Variants in MRTFB observed in about 807,000 individuals in gnomAD.
MRTFB encodes myocardin related transcription factor B.
A neutral mutation model predicts 104.2 loss-of-function variants in MRTFB; 29 were observed. That is an observed-to-expected ratio of 0.28 (90% confidence interval 0.21 to 0.38). The LOEUF (loss-of-function observed/expected upper bound fraction) is 0.38, where lower values mean the gene tolerates loss of function less well. Ranked by LOEUF, MRTFB falls within the 10% of genes least tolerant of loss-of-function variation. The probability of loss-of-function intolerance (pLI) is 1.00; values close to 1 mark genes in which losing one functional copy is unlikely to be tolerated. For synonymous variants in MRTFB, 535 were observed against 519.5 expected (o/e 1.03, Z -0.41); for missense variants, 1,270 against 1,341.6 (o/e 0.95, Z 0.83).
At chr16:14,130,693 T>C (rs1234498824) in intron 2 of MRTFB, among the ~76,000 whole-genome samples, 3 of 152,198 alleles carry the variant, frequency 2.0e-5, no homozygotes, top group African/African-American at 7.2e-5. Flanking sequence ...AGTTAGGTAC[T>C]GTATTAGTTC....
chr16:14,027,364 C>T, the MRTFB span, among the ~76,000 whole-genome samples: 1 of 151,962 alleles, frequency 6.6e-6, no homozygotes, highest in Non-Finnish European at 1.5e-5. Flanking sequence ...TGATGGTCGC[C>T]AGGGGTTAGG....
At chr16:14,213,520 G>A in intron 5 of MRTFB, 25 bp from the exon 6 acceptor site, 1 of 1,488,684 alleles carries the variant, frequency 6.7e-7, no homozygotes, top group Non-Finnish European at 9.2e-7. Context: ...AATGATTTAT[G>A]GTAAGACTTT....
At chr16:14,195,330 G>A (rs1171075272) in intron 3 of MRTFB, among the ~76,000 whole-genome samples, 1 of 152,080 alleles carries the variant, frequency 6.6e-6, no homozygotes, top group African/African-American at 2.4e-5. Flanking sequence ...ATCATCGTCT[G>A]GATCATCTCA....
chr16:14,168,800 T>G (rs2039331583), intron 3 of MRTFB, among the ~76,000 whole-genome samples: 2 of 152,214 alleles, frequency 1.3e-5, no homozygotes, highest in African/African-American at 2.4e-5. Context: ...AGTGGCTGCA[T>G]CATTTTATAC....
At chr16:14,161,374 A>G (rs1021046349) in intron 3 of MRTFB, among the ~76,000 whole-genome samples, 1 of 152,132 alleles carries the variant, frequency 6.6e-6, no homozygotes, top group South Asian at 2.1e-4. Flanking sequence ...TGTGCAATGG[A>G]GAAAGCATGG....
At chr16:14,130,091 A>G (rs550202812) in intron 2 of MRTFB, among the ~76,000 whole-genome samples, 97 of 152,280 alleles carry the variant, frequency 6.4e-4, no homozygotes, top group African/African-American at 1.9e-3. Context: ...TCGGCCTCCC[A>G]AGGTGCTGGG....
At chr16:14,120,097 C>T (rs1002677175) in intron 2 of MRTFB, among the ~76,000 whole-genome samples, 7 of 152,060 alleles carry the variant, frequency 4.6e-5, no homozygotes, top group African/African-American at 1.4e-4. Context: ...TGGCTGTTTC[C>T]GTTTCCTCTT....
chr16:14,230,992 A>G (rs999579824), intron 8 of MRTFB, among the ~76,000 whole-genome samples: 7 of 151,852 alleles, frequency 4.6e-5, no homozygotes, highest in Admixed American at 2.6e-4. Flanking sequence ...AGGGACATGG[A>G]TGAAATTGGA....
chr16:14,149,329 C>T (rs1293272187), intron 3 of MRTFB: 1 of 152,078 alleles, frequency 6.6e-6, no homozygotes, highest in East Asian at 1.9e-4. Flanking sequence ...GAAGACATAA[C>T]AAGAAAAGCA....
At chr16:14,132,939 A>T (rs914160628) in intron 2 of MRTFB, among the ~76,000 whole-genome samples, 1 of 152,248 alleles carries the variant, frequency 6.6e-6, no homozygotes, top group African/African-American at 2.4e-5. Context: ...AGTCGTAGTA[A>T]TTTAACTAAA....
At chr16:13,998,870 TCAAAAAAAAAAAA>T in the MRTFB span, among the ~76,000 whole-genome samples, 2 of 24,726 alleles carry the variant, frequency 8.1e-5, no homozygotes, top group African/African-American at 2.3e-4. Flanking sequence ...AGACTCTGTT[TCAAAAAAAAAAAA>T]AAAAAAAAAA....
At chr16:14,050,764 C>G in the MRTFB span, among the ~76,000 whole-genome samples, 3 of 152,156 alleles carry the variant, frequency 2.0e-5, no homozygotes, top group African/African-American at 7.2e-5. Flanking sequence ...TTCTCAGCTA[C>G]AAAATGGAGA....
At chr16:14,084,501 C>G (rs928115331) in intron 2 of MRTFB, among the ~76,000 whole-genome samples, 2 of 152,128 alleles carry the variant, frequency 1.3e-5, no homozygotes, top group African/African-American at 2.4e-5. Context: ...GATCATGCCA[C>G]TGCACTCCAG....
the MRTFB span, among the ~76,000 whole-genome samples, chr16:14,003,157 A>G: frequency 1.3e-5 from 2 of 152,266 alleles, no homozygotes; most frequent in African/African-American, 2.4e-5. Context: ...CTGGCCAGGC[A>G]TCCTCCACAA....
chr16:14,181,442 C>A (rs973009172), intron 3 of MRTFB, among the ~76,000 whole-genome samples: 1 of 150,862 alleles, frequency 6.6e-6, no homozygotes, highest in African/African-American at 2.4e-5. Flanking sequence ...TCTGACTCAG[C>A]CTGTGTGAAG....
chr16:14,135,591 T>C (rs2037670933), intron 2 of MRTFB, among the ~76,000 whole-genome samples: 1 of 152,246 alleles, frequency 6.6e-6, no homozygotes, highest in African/African-American at 2.4e-5. Flanking sequence ...TCTCAGAGTG[T>C]ATCCCTGTCA....
At chr16:14,058,523 G>T in the MRTFB span, among the ~76,000 whole-genome samples, 1 of 151,772 alleles carries the variant, frequency 6.6e-6, no homozygotes, top group Admixed American at 6.6e-5. Flanking sequence ...TCTCAGATGT[G>T]TCATTTCACA....
At chr16:14,031,526 A>G in the MRTFB span, among the ~76,000 whole-genome samples, 2 of 152,162 alleles carry the variant, frequency 1.3e-5, no homozygotes, top group African/African-American at 4.8e-5. Flanking sequence ...GAGTATTCGT[A>G]TTGTCCTTTT....
At chr16:14,132,168 TACAC>T (rs375099835) in intron 2 of MRTFB, among the ~76,000 whole-genome samples, 12 of 152,160 alleles carry the variant, frequency 7.9e-5, no homozygotes, top group Non-Finnish European at 1.6e-4. Context: ...TGAAAGAAAA[TACAC>T]ACAAAAGGCC....
Sources: allele counts gnomAD v4.1 joint callset (sites outside exome capture counted in the v4.1 genomes callset), GRCh38; gene constraint gnomAD v4.1.1; transcripts MANE v1.5; gene names NCBI Gene and HGNC (gene_info 2026-07-23, HGNC 2026-07-21).